Variants in KCNH4 observed in about 807,000 individuals in gnomAD.
The protein encoded by KCNH4 is potassium voltage-gated channel subfamily H member 4, also known as voltage-gated delayed rectifier potassium channel KCNH4.
Under a neutral mutation model 90.7 loss-of-function variants are expected in KCNH4, and 33 were observed. That is an observed-to-expected ratio of 0.36 (90% CI 0.28 to 0.49). The LOEUF is 0.49. Ranked by LOEUF, KCNH4 falls within the 20% of genes least tolerant of loss-of-function variation. The pLI is 0.98. For missense variants in KCNH4, 1,044 were observed against 1,387.1 expected, an observed-to-expected ratio of 0.75 and a Z score of 3.93; for synonymous variants, 551 against 581.7, an observed-to-expected ratio of 0.95 and a Z score of 0.76.
At chr17:42,167,513 G>T (rs2079796374) in intron 9 of KCNH4, among the ~76,000 whole-genome samples, 1 of 151,974 alleles carries the variant, frequency 6.6e-6, no homozygotes, top group African/African-American at 2.4e-5. Flanking sequence ...TGATCTGCCC[G>T]CCTCAGCCTC....
In KCNH4 at chr17:42,171,799, A is replaced by T. The variant is rs2079828642; in HGVS notation, c.1184T>A (p.Leu395His). The part of the protein sequence containing the change: ...RREMEANDPL[L>H]WDIGWLHELG... ...GGTCGGTGGCTCACCAATGTCCCAG[A>T]GCAGCGGGTCATTGGCCTCCATCTC... The change falls in exon 7 of 17, where the codon CTC becomes CAC. Residue 395 changes from leucine to histidine, a missense_variant. Leu to His is a moderately conservative substitution (Grantham distance 99, BLOSUM62 -3). This residue lies in a region of KCNH4 where 318 missense variants were observed against 479.6 expected (regional missense o/e 0.66). Coordinates refer to ENST00000264661, the MANE Select transcript of KCNH4 (RefSeq NM_012285.3). The T allele has an allele frequency of 6.2e-7, 1 of 1,613,978 alleles. No individual in the cohort carries two copies. The highest frequency in any genetic ancestry group is 8.5e-7 in the Non-Finnish European group (1 of 1,180,010).
rs1461481801 is a variant in KCNH4, at chr17:42,165,560, G to A, written c.1974C>T (p.Ser658=). Residue 658 remains serine, a synonymous_variant, in exon 11 of 17, where the codon AGC becomes AGT. Transcript: ENST00000264661. ...ALTYCGLQQL[S]SRGLAEVLRL... ...TCAGGACCTCAGCCAGCCCTCGGCT[G>A]CTCAGCTGCTGCAGGCCACAGTAGG... 1.2e-6 allele frequency: 2 copies of A among 1,614,230 alleles called. No individual in the cohort carries two copies. Among genetic ancestry groups the A allele is most frequent in the Admixed American group, 1.7e-5 (1 of 60,032 alleles).
At chr17:42,176,827 G>A (rs1167087214) in intron 4 of KCNH4, among the ~76,000 whole-genome samples, 2 of 151,848 alleles carry the variant, frequency 1.3e-5, no homozygotes, top group Non-Finnish European at 1.5e-5. Context: ...CCGGCCCCAG[G>A]CCCCTGTTTG....
In KCNH4 at chr17:42,180,826, GC is replaced by G. The variant is rs758166074; in HGVS notation, c.76+43del. The stretch of plus-strand genomic sequence containing the variant: ...ATCCGAGACGGCCCCGAGGATACTT[GC>G]CCCCCAGCTCGAACCTCAAGCCCCG... On this transcript the variant is annotated intron_variant, in intron 1 of 16. Transcript: ENST00000264661. The surrounding 1 kb of genome is among the most constrained non-coding windows in gnomAD (Gnocchi z 4.7). 5.1e-6 allele frequency: 8 copies of G among 1,580,606 alleles called. No individual in the cohort carries two copies. The highest frequency in any genetic ancestry group is 7.0e-6 in the Non-Finnish European group (8 of 1,150,142).
At chr17:42,164,688 G>C (rs1203800903) in intron 11 of KCNH4, among the ~76,000 whole-genome samples, 4 of 151,984 alleles carry the variant, frequency 2.6e-5, no homozygotes, top group African/African-American at 9.7e-5. Context: ...TGTCATCCCA[G>C]CTACTTGGGA....
chr17:42,161,876 G>C (rs966481181), intron 15 of KCNH4, among the ~76,000 whole-genome samples: 2 of 151,954 alleles, frequency 1.3e-5, no homozygotes, highest in Non-Finnish European at 2.9e-5. Flanking sequence ...AGCGGTTGTG[G>C]GACTTGCCCA....
rs1293634241 is a variant in KCNH4, at chr17:42,167,986, G to A, written c.1591-1440C>T. On this transcript the variant is annotated intron_variant, in intron 9 of 16. Coordinates refer to ENST00000264661, the MANE Select transcript of KCNH4 (RefSeq NM_012285.3). Reference sequence around the variant, plus strand: ...CCCATTCCTGCGGGCTTATTGAGCCGCTTTCAGTTCCCTAAAGCGCTCACT... The same window carrying A: ...CCCATTCCTGCGGGCTTATTGAGCCACTTTCAGTTCCCTAAAGCGCTCACT... 5.9e-5 allele frequency among the ~76,000 whole-genome samples: 9 copies of A among 152,144 alleles called. No individual in the cohort carries two copies. In the South Asian group the frequency reaches 1.0e-3, roughly 17 times the overall value.
At chr17:42,172,883 A>C (rs1414652626) in intron 6 of KCNH4, among the ~76,000 whole-genome samples, 1 of 151,740 alleles carries the variant, frequency 6.6e-6, no homozygotes, top group East Asian at 1.9e-4. Flanking sequence ...GGAGAAGCAT[A>C]GTGGAGTGGG....
intron 15 of KCNH4, among the ~76,000 whole-genome samples, chr17:42,160,827 G>A (rs1413574721): frequency 6.6e-6 from 1 of 151,946 alleles, no homozygotes; most frequent in Non-Finnish European, 1.5e-5. Context: ...TTTTGAAAAG[G>A]CACATTTCTG....
chr17:42,180,884 C>T lies in KCNH4; in HGVS notation c.62G>A (p.Arg21His), dbSNP rs1265522991. The change falls in exon 1 of 17, where the codon CGT (arginine) becomes CAT (histidine). Residue 21 changes from arginine (R) to histidine (H), a missense_variant. Around this residue, in one of 4 missense-constraint regions of KCNH4, gnomAD observed 283 missense variants for 378.6 expected, o/e 0.75. Coordinates refer to ENST00000264661, the MANE Select transcript of KCNH4 (RefSeq NM_012285.3). The surrounding 1 kb of genome is among the most constrained non-coding windows in gnomAD (Gnocchi z 4.7). ...QNTFLDTIAT[R>H]FDGTHSNFLL... is the part of the protein sequence containing the mutation. Reference sequence around the variant, plus strand: ...GTCCCACTCACGCGTTCCGTCAAAACGGGTGGCGATGGTGTCCAGGAAGGT... The same window carrying T: ...GTCCCACTCACGCGTTCCGTCAAAATGGGTGGCGATGGTGTCCAGGAAGGT... 6.2e-7 allele frequency: 1 copy of T among 1,613,908 alleles called. No homozygotes were observed.
chr17:42,163,413 G>A lies in KCNH4; in HGVS notation c.2478-79C>T, dbSNP rs1239643676. The A allele has an allele frequency of 1.9e-6, 2 of 1,069,114 alleles. No homozygotes were observed. The highest frequency in any genetic ancestry group is 1.4e-6 in the Non-Finnish European group (1 of 708,922). 66.2% of individuals were successfully genotyped at this position (1,069,114 alleles called of 1,614,324 possible). ...CAGAGCAGACAGAGGGGGACTGGGGGCAGCAGTGCCAGGGGGCGGAGCAAG... is the reference window on the plus strand; with the variant it reads ...CAGAGCAGACAGAGGGGGACTGGGGACAGCAGTGCCAGGGGGCGGAGCAAG... On this transcript the variant is annotated intron_variant, in intron 13 of 16. Coordinates refer to ENST00000264661, the MANE Select transcript of KCNH4 (RefSeq NM_012285.3). The surrounding 1 kb of genome is among the most constrained non-coding windows in gnomAD (Gnocchi z 5.4).
Position 42,159,852 on chromosome 17 carries a change from T to G in KCNH4, c.*188A>C. On this transcript the variant is annotated 3_prime_UTR_variant, in exon 16 of 17. Transcript: ENST00000264661. ...GTGGCTCCCCTCACAGAGGGGGAGGTTGGGGAAGGCTTGGAAAAGGGAATA... is the reference window on the plus strand; with the variant it reads ...GTGGCTCCCCTCACAGAGGGGGAGGGTGGGGAAGGCTTGGAAAAGGGAATA... 9.4e-6 allele frequency: 4 copies of G among 426,168 alleles called. No homozygotes were observed. Among genetic ancestry groups the G allele is most frequent in the South Asian group, 8.7e-5 (1 of 11,516 alleles). 26.4% of individuals were successfully genotyped at this position (426,168 alleles called of 1,614,324 possible).
rs531842015 is a variant in KCNH4 at position 42,160,362 on chromosome 17, C to G, written c.2732G>C (p.Arg911Thr). 7 of 1,614,022 alleles carry G rather than the reference C, an allele frequency of 4.3e-6. No homozygotes were observed. Among genetic ancestry groups the G allele is most frequent in the Non-Finnish European group, 5.9e-6 (7 of 1,179,954 alleles). The change falls in exon 16 of 17, where the codon AGG (arginine) becomes ACG (threonine). Residue 911 changes from arginine (R) to threonine (T), a missense_variant. Physicochemically the swap from Arg to Thr is moderately conservative, Grantham distance 71 (BLOSUM62 -1). Coordinates refer to ENST00000264661, the MANE Select transcript of KCNH4 (RefSeq NM_012285.3). ...LRHIMGLLQA[R>T]LGPPGHPAGS... ...TGCTGGGTGGCCTGGGGGACCCAGC[C>G]TGGCCTGCAGCAGGCCCATGATGTG...
rs868540343 is a variant in KCNH4 at position 42,169,578 on chromosome 17, C to G, written c.1489G>C (p.Asp497His). 6.2e-7 allele frequency: 1 copy of G among 1,613,922 alleles called. No homozygotes were observed. The highest frequency in any genetic ancestry group is 8.5e-7 in the Non-Finnish European group (1 of 1,179,992). ...GGCAGGCGGTGCACACGGATGAAGT[C>G]CTTGAGGTCCTTCATGCGGCTGTGG... Reference protein sequence around the residue: ...LYHSRMKDLKDFIRVHRLPRP... With the variant: ...LYHSRMKDLKHFIRVHRLPRP... The change falls in exon 9 of 17, where the codon GAC (aspartate) becomes CAC (histidine). Residue 497 changes from aspartate to histidine, a missense_variant. By Grantham distance (81) the Asp-to-His change is moderately conservative (BLOSUM62 -1). Around this residue, in one of 4 missense-constraint regions of KCNH4, gnomAD observed 318 missense variants for 479.6 expected, o/e 0.66. Coordinates refer to ENST00000264661, the MANE Select transcript of KCNH4 (RefSeq NM_012285.3).
At chr17:42,157,487 A>G (rs1392928808) in intron 16 of KCNH4, among the ~76,000 whole-genome samples, 1 of 152,192 alleles carries the variant, frequency 6.6e-6, no homozygotes, top group Non-Finnish European at 1.5e-5. Context: ...AAACGTGGTG[A>G]CTGCGAAGTA....
In KCNH4 at chr17:42,160,406, C is replaced by T. The variant is rs759077847; in HGVS notation, c.2688G>A (p.Gln896=). 1 of 1,608,148 alleles carries T rather than the reference C, an allele frequency of 6.2e-7. No homozygotes were observed. Among genetic ancestry groups the T allele is most frequent in the African/African-American group, 1.3e-5 (1 of 74,756 alleles). The stretch of plus-strand genomic sequence containing the variant: ...TGATGTGCCGCAGCTCCCGGCTAAG[C>T]TGAGACACCTCCTGATTGAGACGAG... ...EISRLNQEVS[Q]LSRELRHIMG... The change falls in exon 16 of 17, where the codon CAG becomes CAA. Residue 896 remains glutamine, a synonymous_variant. Coordinates refer to ENST00000264661, the MANE Select transcript of KCNH4 (RefSeq NM_012285.3).
chr17:42,163,957 G>A lies in KCNH4; in HGVS notation c.2126C>T (p.Pro709Leu), dbSNP rs1473160868. The change falls in exon 13 of 17, where the codon CCC becomes CTC. Residue 709 changes from proline to leucine, a missense_variant and splice_region_variant. Physicochemically the swap from Pro to Leu is moderately conservative, Grantham distance 98 (BLOSUM62 -3). Around this residue, in one of 4 missense-constraint regions of KCNH4, gnomAD observed 441 missense variants for 512.3 expected, o/e 0.86. Coordinates refer to ENST00000264661, the MANE Select transcript of KCNH4 (RefSeq NM_012285.3). The surrounding 1 kb of genome is among the most constrained non-coding windows in gnomAD (Gnocchi z 5.4). ...RFSRSPRLSQ[P>L]RSESLGSSSD... ...GGAGGAGCCGAGGCTTTCTGAGCGGGGCTGCGGGCAGAGGGGGCAGCTGAT... is the reference window on the plus strand; with the variant it reads ...GGAGGAGCCGAGGCTTTCTGAGCGGAGCTGCGGGCAGAGGGGGCAGCTGAT... 6.5e-7 allele frequency: 1 copy of A among 1,535,670 alleles called. No homozygotes were observed. Among genetic ancestry groups the A allele is most frequent in the East Asian group, 2.4e-5 (1 of 41,082 alleles).
At chr17:42,169,454 A>G in intron 9 of KCNH4, 23 bp downstream of exon 9, 1 of 1,609,948 alleles carries the variant, frequency 6.2e-7, no homozygotes, top group Non-Finnish European at 8.5e-7. Flanking sequence ...GGCAAGGGCA[A>G]GATTGGAGAC....
chr17:42,164,205 C>G, intron 11 of KCNH4, 37 bp from the exon 12 acceptor site: 1 of 1,515,588 alleles, frequency 6.6e-7, no homozygotes, highest in Non-Finnish European at 8.9e-7. Flanking sequence ...TGATTCCTGC[C>G]TTCCCGCGGC....
Sources: gnomAD v4.1 joint callset for allele counts (sites outside exome capture counted in the v4.1 genomes callset) on GRCh38, gnomAD v4.1.1 for gene constraint, gnomAD v4.1.1 regional missense constraint, Gnocchi (gnomAD v3.1) non-coding constraint, MANE v1.5 for transcripts, NCBI Gene and HGNC (gene_info 2026-07-23, HGNC 2026-07-21) for gene names.